Variants in PISD observed in about 807,000 individuals in gnomAD.
PISD encodes phosphatidylserine decarboxylase, also known as phosphatidylserine decarboxylase proenzyme, mitochondrial.
A neutral mutation model predicts 43.5 loss-of-function variants in PISD; 31 were observed. The observed-to-expected ratio is 0.71, with a 90% CI of 0.54 to 0.96. The LOEUF (loss-of-function observed/expected upper bound fraction) is 0.96, where lower values mean the gene tolerates loss of function less well. Among genes scored for constraint, PISD ranks in the 40% least tolerant of loss-of-function variants. The pLI is 0.00. For synonymous variants in PISD, 259 were observed against 228.7 expected (o/e 1.13, Z -1.20); for missense variants, 523 against 548.4 (o/e 0.95, Z 0.46).
intron 1 of PISD, among the ~76,000 whole-genome samples, chr22:31,653,731 C>T (rs1454503112): frequency 1.3e-5 from 2 of 152,184 alleles, no homozygotes; most frequent in African/African-American, 4.8e-5. Context: ...GACTGTAATT[C>T]CAGCACTTTG....
At chr22:31,620,180 G>A (rs945922912) in intron 7 of PISD, among the ~76,000 whole-genome samples, 3 of 152,226 alleles carry the variant, frequency 2.0e-5, no homozygotes, top group Admixed American at 2.0e-4. Context: ...AGGGTGGGCA[G>A]CAGACCTGCG....
chr22:31,641,681 G>A (rs1228955829), intron 3 of PISD, among the ~76,000 whole-genome samples: 2 of 150,906 alleles, frequency 1.3e-5, no homozygotes, highest in South Asian at 2.1e-4. Flanking sequence ...TTAGCCAGGT[G>A]TGGTGCCACA....
intron 3 of PISD, 74 bp from the exon 4 acceptor site, chr22:31,621,959 C>A (rs2072609004): frequency 1.8e-6 from 2 of 1,126,008 alleles, no homozygotes; most frequent in Non-Finnish European, 2.7e-6. Flanking sequence ...GTGTCATTAG[C>A]CCAGCTCTCA....
rs574802910 is a variant in PISD, at chr22:31,623,241, G to A, written c.322-1356C>T. On this transcript the variant is annotated intron_variant, in intron 3 of 7. Transcript: ENST00000439502. ...GGGGCATGCCTCTGGGTTCCTTAAGGGTGTCCTCACCCTAAGGGACCCAAA... is the reference window on the plus strand; with the variant it reads ...GGGGCATGCCTCTGGGTTCCTTAAGAGTGTCCTCACCCTAAGGGACCCAAA... 5.9e-5 allele frequency among the ~76,000 whole-genome samples: 9 copies of A among 152,302 alleles called. No homozygotes were observed. In the South Asian group the frequency reaches 1.9e-3, roughly 32 times the overall value.
At chr22:31,642,805 A>C (rs1412101978) in intron 3 of PISD, among the ~76,000 whole-genome samples, 1 of 144,224 alleles carries the variant, frequency 6.9e-6, no homozygotes, top group East Asian at 1.9e-4. Flanking sequence ...AAAAAAAAAA[A>C]AAAAGAAAGA....
At chr22:31,625,994 G>C in intron 3 of PISD, 1 of 1,460,994 alleles carries the variant, frequency 6.8e-7, no homozygotes, top group Non-Finnish European at 9.0e-7. Flanking sequence ...GTGGCTCACA[G>C]GGTGCAGAAT....
At chr22:31,646,931 G>A (rs1382027317) in intron 3 of PISD, among the ~76,000 whole-genome samples, 1 of 152,036 alleles carries the variant, frequency 6.6e-6, no homozygotes, top group Non-Finnish European at 1.5e-5. Flanking sequence ...CAGGCCAAAG[G>A]GTAGGCACAT....
At chr22:31,648,339 C>G in intron 2 of PISD, 63 bp from the exon 3 acceptor site, 1 of 1,424,462 alleles carries the variant, frequency 7.0e-7, no homozygotes, top group Non-Finnish European at 9.6e-7. Context: ...GTCATGCAAA[C>G]ACAGCACCAA....
intron 3 of PISD, among the ~76,000 whole-genome samples, chr22:31,624,679 A>C (rs115735326): frequency 0.04 from 5,844 of 145,794 alleles, 133 homozygotes; most frequent in South Asian, 0.071. Flanking sequence ...ACACACACAC[A>C]CCCATCCCAA....
Position 31,639,941 on chromosome 22 carries a change from C to T in PISD, c.321+8160G>A, listed in dbSNP as rs996888908. 3.3e-5 allele frequency among the ~76,000 whole-genome samples: 5 copies of T among 152,230 alleles called. No individual in the cohort carries two copies. In the East Asian group the frequency reaches 7.7e-4, roughly 23 times the overall value. On this transcript the variant is annotated intron_variant, in intron 3 of 7. Coordinates refer to ENST00000439502, the MANE Select transcript of PISD (RefSeq NM_001326411.2). ...GTTCCTGAAAAGAAACTCAGAGAAG[C>T]GGCTCTTCTACTTCTCAGCAGTCCC... is the stretch of plus-strand genomic sequence containing the variant.
intron 3 of PISD, chr22:31,638,245 C>T (rs942314008): frequency 5.1e-5 from 18 of 353,136 alleles, no homozygotes; most frequent in Non-Finnish European, 6.3e-5. Flanking sequence ...ACGCTGTGAC[C>T]GGGCACAGCT....
At chr22:31,646,515 T>C (rs2073892211) in intron 3 of PISD, among the ~76,000 whole-genome samples, 1 of 152,218 alleles carries the variant, frequency 6.6e-6, no homozygotes, top group South Asian at 2.1e-4. Flanking sequence ...TGGTCTTTTA[T>C]GATTTTGGAA....
intron 3 of PISD, among the ~76,000 whole-genome samples, chr22:31,627,457 C>T (rs967090279): frequency 5.3e-5 from 8 of 152,260 alleles, no homozygotes; most frequent in South Asian, 2.1e-4. Context: ...ACTGAGCAAA[C>T]GCCCCACCCT....
At chr22:31,638,269 G>A (rs2073575567) in intron 3 of PISD, 1 of 553,178 alleles carries the variant, frequency 1.8e-6, no homozygotes, top group Non-Finnish European at 2.3e-6. Context: ...GCCCAAAGAT[G>A]TGGGGCAGGT....
In PISD at chr22:31,638,377, C is replaced by A. The variant is rs2073579330; in HGVS notation, c.321+9724G>T. ...CATGGGAAACTCACCTCCACTTGAC[C>A]TAACTGCAAGCAAAAGTGTCCACCA... On this transcript the variant is annotated intron_variant, in intron 3 of 7. Transcript: ENST00000439502. The A allele has an allele frequency of 3.4e-5, 34 of 985,596 alleles. No homozygotes were observed. In the South Asian group the frequency reaches 1.5e-3, roughly 42 times the overall value. 61.1% of individuals were successfully genotyped at this position (985,596 alleles called of 1,614,324 possible).
intron 3 of PISD, chr22:31,623,690 T>C (rs766769743): frequency 3.7e-6 from 6 of 1,613,434 alleles, no homozygotes; most frequent in Non-Finnish European, 5.1e-6. Flanking sequence ...TTACCCTGCT[T>C]ACGGGCCTCC....
chr22:31,628,779 A>G, intron 3 of PISD: 1 of 972,082 alleles, frequency 1.0e-6, no homozygotes, highest in African/African-American at 1.8e-5. Flanking sequence ...ACCATGGCCC[A>G]GAACAACTGC....
At chr22:31,624,319 G>A (rs537342430) in intron 3 of PISD, among the ~76,000 whole-genome samples, 12 of 152,254 alleles carry the variant, frequency 7.9e-5, no homozygotes, top group South Asian at 4.1e-4. Flanking sequence ...GCACTGGCAC[G>A]GCAGCACATA....
chr22:31,620,723 C>T lies in PISD; in HGVS notation c.845-10G>A, dbSNP rs772221736. On this transcript the variant is annotated splice_polypyrimidine_tract_variant and intron_variant, in intron 6 of 7. Coordinates refer to ENST00000439502, the MANE Select transcript of PISD (RefSeq NM_001326411.2). ...ACTGACATCAGGGAGCCTGCAGAGGCAGGGAATGCCGCTACTCCCCGTCCA... is the reference window on the plus strand; with the variant it reads ...ACTGACATCAGGGAGCCTGCAGAGGTAGGGAATGCCGCTACTCCCCGTCCA... 1.2e-6 allele frequency: 2 copies of T among 1,613,916 alleles called. No homozygotes were observed. The highest frequency in any genetic ancestry group is 1.7e-5 in the Admixed American group (1 of 60,004).
Sources: allele counts gnomAD v4.1 joint callset (sites outside exome capture counted in the v4.1 genomes callset), GRCh38; gene constraint gnomAD v4.1.1; transcripts MANE v1.5; gene names NCBI Gene and HGNC (gene_info 2026-07-23, HGNC 2026-07-21).